Variants in PRICKLE2 observed in about 807,000 individuals in gnomAD.
PRICKLE2 encodes the protein prickle planar cell polarity protein 2, also known as prickle-like protein 2.
In PRICKLE2, 21 loss-of-function variants were observed where a neutral mutation model predicts 81.4. The observed-to-expected ratio is 0.26, with a 90% CI of 0.18 to 0.37. The LOEUF (loss-of-function observed/expected upper bound fraction) is 0.37. Among genes scored for constraint, PRICKLE2 ranks in the 10% least tolerant of loss-of-function variants. The probability of loss-of-function intolerance (pLI) is 1.00; values close to 1 mark genes in which losing one functional copy is unlikely to be tolerated. For synonymous variants in PRICKLE2, 456 were observed against 421.5 expected (o/e 1.08, Z -1.00); for missense variants, 940 against 1,109.0 (o/e 0.85, Z 2.16).
chr3:64,159,080 G>C (rs570209979), intron 4 of PRICKLE2, among the ~76,000 whole-genome samples: 8 of 152,308 alleles, frequency 5.3e-5, no homozygotes, highest in African/African-American at 1.9e-4. Flanking sequence ...CCACCCTGCA[G>C]TCTCTAAAAC....
At chr3:64,118,655 C>T (rs976055141) in intron 7 of PRICKLE2, among the ~76,000 whole-genome samples, 1 of 152,114 alleles carries the variant, frequency 6.6e-6, no homozygotes, top group Non-Finnish European at 1.5e-5. Flanking sequence ...ATAACTATCT[C>T]ATACCCATCA....
intron 2 of PRICKLE2, among the ~76,000 whole-genome samples, chr3:64,266,511 C>T (rs1277912786): frequency 6.6e-6 from 1 of 152,124 alleles, no homozygotes; most frequent in African/African-American, 2.4e-5. Context: ...TTTTTGGCCC[C>T]ATGGGAAGAT....
intron 4 of PRICKLE2, among the ~76,000 whole-genome samples, chr3:64,158,741 G>C (rs533335577): frequency 5.9e-5 from 9 of 152,186 alleles, no homozygotes; most frequent in African/African-American, 1.7e-4. Flanking sequence ...GTACCTTAAG[G>C]GTGGGTCCCA....
chr3:64,198,779 G>A lies in PRICKLE2; in HGVS notation c.144+5C>T. 1 of 1,613,966 alleles carries A rather than the reference G, an allele frequency of 6.2e-7. No homozygotes were observed. Among genetic ancestry groups the A allele is most frequent in the African/African-American group, 1.3e-5 (1 of 75,008 alleles). ...CCACCAGCATGCTCCCATCCAGAATGGTACCTGTTCAGGCTTCAGACCCGG... is the reference window on the plus strand; with the variant it reads ...CCACCAGCATGCTCCCATCCAGAATAGTACCTGTTCAGGCTTCAGACCCGG... On this transcript the variant is annotated splice_donor_5th_base_variant and intron_variant, in intron 2 of 7. Transcript: ENST00000638394.
intron 6 of PRICKLE2, among the ~76,000 whole-genome samples, chr3:64,149,809 C>G (rs542155928): frequency 6.6e-6 from 1 of 152,226 alleles, no homozygotes; most frequent in South Asian, 2.1e-4. Flanking sequence ...GGCAATTCTT[C>G]TCGTATTAGC....
intron 2 of PRICKLE2, among the ~76,000 whole-genome samples, chr3:64,176,953 C>T (rs902913276): frequency 6.6e-6 from 1 of 151,926 alleles, no homozygotes; most frequent in African/African-American, 2.4e-5. Flanking sequence ...CCTAAAGGGC[C>T]TATATTATGC....
At position 64,093,601 on chromosome 3, in the gene PRICKLE2, C is replaced by T. The variant is rs1003470021; in HGVS notation, c.*5450G>A. Reference sequence around the variant, plus strand: ...TAGTTGTCACAGTTTCTGGGGGCTGCTACTGGCATCTAGTGAGTAGAAGTC... The same window carrying T: ...TAGTTGTCACAGTTTCTGGGGGCTGTTACTGGCATCTAGTGAGTAGAAGTC... On this transcript the variant is annotated 3_prime_UTR_variant, in exon 8 of 8. Transcript: ENST00000638394. The T allele has an allele frequency of 4.6e-5, 7 of 152,122 alleles. No homozygotes were observed. The highest frequency in any genetic ancestry group is 1.7e-4 in the African/African-American group (7 of 41,428). 9.4% of individuals were successfully genotyped at this position (152,122 alleles called of 1,614,324 possible).
rs1194797200 is a variant in PRICKLE2 at position 64,096,852 on chromosome 3, A to G, written c.*2199T>C. ...GGATTTGGGGCCACAGAGGACAGAC[A>G]TATTTTCAACCGTTTGCTAAGATAA... On this transcript the variant is annotated 3_prime_UTR_variant, in exon 8 of 8. Coordinates refer to ENST00000638394, the MANE Select transcript of PRICKLE2 (RefSeq NM_198859.4). The G allele has an allele frequency of 6.6e-6, 1 of 152,634 alleles. No homozygotes were observed. Among genetic ancestry groups the G allele is most frequent in the Non-Finnish European group, 1.5e-5 (1 of 68,038 alleles). The allele number at this position is 152,634 out of a possible 1,614,324, so 9.5% of individuals were successfully genotyped here.
chr3:64,265,303 A>G (rs957683949), intron 2 of PRICKLE2, among the ~76,000 whole-genome samples: 8 of 152,204 alleles, frequency 5.3e-5, no homozygotes, highest in Admixed American at 2.0e-4. Flanking sequence ...TTAAACCTCA[A>G]TACAATTTCC....
rs2077480304 is a variant in PRICKLE2, at chr3:64,147,711, A to G, written c.788-9T>C. ...TTGACCTTGGTCGATACCTAAAAAAATGAGAGACATTGGAGAGGCTGATGA... is the reference window on the plus strand; with the variant it reads ...TTGACCTTGGTCGATACCTAAAAAAGTGAGAGACATTGGAGAGGCTGATGA... On this transcript the variant is annotated splice_polypyrimidine_tract_variant and intron_variant, in intron 6 of 7. Coordinates refer to ENST00000638394, the MANE Select transcript of PRICKLE2 (RefSeq NM_198859.4). The surrounding 1 kb of genome is among the most constrained non-coding windows in gnomAD (Gnocchi z 5.0). 4 of 1,613,508 alleles carry G rather than the reference A, an allele frequency of 2.5e-6. No individual in the cohort carries two copies. In the African/African-American group the frequency reaches 4.0e-5, roughly 16 times the overall value.
intron 2 of PRICKLE2, among the ~76,000 whole-genome samples, chr3:64,166,886 C>T (rs1489610811): frequency 6.6e-6 from 1 of 152,138 alleles, no homozygotes; most frequent in East Asian, 1.9e-4. Flanking sequence ...CTTTGTGTCG[C>T]CTCCTGGTGT....
At chr3:64,236,031 G>A (rs1376259751) in intron 2 of PRICKLE2, among the ~76,000 whole-genome samples, 1 of 152,124 alleles carries the variant, frequency 6.6e-6, no homozygotes, top group Non-Finnish European at 1.5e-5. Context: ...CTAAGATTTA[G>A]ATTTCCTTGT....
At chr3:64,160,742 C>G (rs1575604208) in intron 3 of PRICKLE2, among the ~76,000 whole-genome samples, 1 of 152,138 alleles carries the variant, frequency 6.6e-6, no homozygotes, top group East Asian at 1.9e-4. Flanking sequence ...TATAGAAACT[C>G]AGAGAATTAA....
chr3:64,222,347 C>T (rs2078968803), intron 1 of PRICKLE2, among the ~76,000 whole-genome samples: 2 of 152,152 alleles, frequency 1.3e-5, no homozygotes, highest in African/African-American at 2.4e-5. Flanking sequence ...CTCCCAGTTC[C>T]GAGTTTCTTG....
At chr3:64,224,805 C>A in intron 1 of PRICKLE2, 105 bp downstream of exon 1, 2 of 633,152 alleles carry the variant, frequency 3.2e-6, no homozygotes, top group Non-Finnish European at 3.9e-6. Context: ...AAAACGAAGA[C>A]CCAATATCCT....
chr3:64,184,500 G>A (rs1302113296), intron 2 of PRICKLE2, among the ~76,000 whole-genome samples: 1 of 151,896 alleles, frequency 6.6e-6, no homozygotes, highest in Non-Finnish European at 1.5e-5. Flanking sequence ...TAAGACACAG[G>A]GCCTTGCTCT....
At chr3:64,131,734 T>C (rs764305241) in intron 7 of PRICKLE2, among the ~76,000 whole-genome samples, 45 of 152,290 alleles carry the variant, frequency 3.0e-4, no homozygotes, top group Non-Finnish European at 4.6e-4. Flanking sequence ...TTTTCTTCTG[T>C]TATAAATGGA....
intron 1 of PRICKLE2, among the ~76,000 whole-genome samples, chr3:64,221,819 G>A (rs1374663584): frequency 6.6e-6 from 1 of 152,170 alleles, no homozygotes; most frequent in Admixed American, 6.5e-5. Context: ...AAATAAAGAG[G>A]TTTCTGCTAA....
chr3:64,189,454 T>C (rs75117558), intron 2 of PRICKLE2, among the ~76,000 whole-genome samples: 117 of 152,250 alleles, frequency 7.7e-4, no homozygotes, highest in Admixed American at 1.4e-3. Context: ...AGTGGAGCAA[T>C]GTGCATGCTC....
Sources: gnomAD v4.1 joint callset for allele counts (sites outside exome capture counted in the v4.1 genomes callset) on GRCh38, gnomAD v4.1.1 for gene constraint, Gnocchi (gnomAD v3.1) non-coding constraint, MANE v1.5 for transcripts, NCBI Gene and HGNC (gene_info 2026-07-23, HGNC 2026-07-21) for gene names.